KIAA1210: variants seen among roughly 807,000 people sequenced by gnomAD.
KIAA1210 encodes acrosomal protein KIAA1210.
Under a neutral mutation model 78.9 loss-of-function variants are expected in KIAA1210, and 48 were observed. The ratio of observed to expected loss-of-function variants is 0.61; its 90% CI spans 0.48 to 0.77. The LOEUF (loss-of-function observed/expected upper bound fraction) is 0.77. Ranked by LOEUF, KIAA1210 falls within the 30% of genes least tolerant of loss-of-function variation. The probability of loss-of-function intolerance (pLI) is 0.00; values close to 1 mark genes in which losing one functional copy is unlikely to be tolerated. For synonymous variants in KIAA1210, 406 were observed against 404.5 expected (o/e 1.00, Z -0.04); for missense variants, 1,108 against 1,100.0 (o/e 1.01, Z -0.10).
At position 119,086,614 on chromosome X, in the gene KIAA1210, G is replaced by A; in HGVS notation, c.4088C>T (p.Ala1363Val). The A allele has an allele frequency of 8.3e-7, 1 of 1,210,893 alleles. No individual in the cohort carries two copies. The highest frequency in any genetic ancestry group is 1.1e-6 in the Non-Finnish European group (1 of 895,211). Residue 1363 changes from alanine (A) to valine (V), a missense_variant, in exon 9 of 12, where the codon GCA (alanine) becomes GTA (valine). Physicochemically the swap from Ala to Val is moderately conservative, Grantham distance 64. This residue lies in a region of KIAA1210 where 245 missense variants were observed against 278.8 expected (regional missense o/e 0.88). Coordinates refer to ENST00000691062, the MANE Select transcript of KIAA1210 (RefSeq NM_001394962.1). ...AGNLTKISYVADKQQSRPKSE... is the reference protein window; with the variant it reads ...AGNLTKISYVVDKQQSRPKSE... Reference sequence around the variant, plus strand: ...TTTGGGCCTGCTCTGTTGCTTATCTGCAACGTAAGATATTTTGGTGAGGTT... The same window carrying A: ...TTTGGGCCTGCTCTGTTGCTTATCTACAACGTAAGATATTTTGGTGAGGTT...
In KIAA1210 at chrX:119,104,984, A is replaced by G. The variant is rs375330850; in HGVS notation, c.648+8T>C. On this transcript the variant is annotated splice_region_variant and intron_variant, in intron 6 of 11. Transcript: ENST00000691062. ...GGCCCCTCAACCTGTCCCTTAATAT[A>G]TACTCACCTGAGTCGCTGTCAAACT... is the stretch of plus-strand genomic sequence containing the variant. 9.1e-6 allele frequency: 11 copies of G among 1,203,500 alleles called. No homozygotes were observed. The highest frequency in any genetic ancestry group is 7.1e-5 in the African/African-American group (4 of 56,607).
At chrX:119,131,215 A>G (rs915077118), upstream of KIAA1210, among the ~76,000 whole-genome samples, 1 of 112,159 alleles carries the variant, frequency 8.9e-6, no homozygotes, top group African/African-American at 3.2e-5. Context: ...GACCCACAAG[A>G]TTCCCACCCC....
At chrX:119,146,688 G>A (rs1168494670) in intron 2 of KIAA1210, among the ~76,000 whole-genome samples, 1 of 111,601 alleles carries the variant, frequency 9.0e-6, no homozygotes, top group African/African-American at 3.3e-5. Flanking sequence ...CCTTACAGAG[G>A]GTGAGGCTGG....
chrX:119,082,714 C>T (rs1462593764), intron 11 of KIAA1210, among the ~76,000 whole-genome samples: 1 of 111,961 alleles, frequency 8.9e-6, no homozygotes, highest in East Asian at 2.8e-4. Context: ...TGGTACTTTC[C>T]TCTTGCATAC....
intron 2 of KIAA1210, among the ~76,000 whole-genome samples, chrX:119,122,595 T>C (rs912521892): frequency 3.6e-5 from 4 of 112,588 alleles, no homozygotes; most frequent in Non-Finnish European, 7.5e-5. Flanking sequence ...TTAGTTCATA[T>C]CCAAAAAGTC....
Position 119,087,908 on chromosome X carries a change from T to C in KIAA1210, c.2794A>G (p.Thr932Ala), listed in dbSNP as rs867389210. The change falls in exon 9 of 12, where the codon ACT (threonine) becomes GCT (alanine). Residue 932 changes from threonine to alanine, a missense_variant. Coordinates refer to ENST00000691062, the MANE Select transcript of KIAA1210 (RefSeq NM_001394962.1). ...TCCTTAGAAATGTCCTCTTCAACAG[T>C]AGTGCTTTCTGGATGTGCAGAGAGT... The part of the protein sequence containing the change: ...YQLSAHPEST[T>A]VEEDISKEQL... 8.3e-7 allele frequency: 1 copy of C among 1,211,649 alleles called. No individual in the cohort carries two copies. The highest frequency in any genetic ancestry group is 3.0e-5 in the East Asian group (1 of 33,847).
intron 3 of KIAA1210, among the ~76,000 whole-genome samples, chrX:119,110,294 T>C (rs959822364): frequency 9.0e-6 from 1 of 111,728 alleles, no homozygotes; most frequent in African/African-American, 3.2e-5. Flanking sequence ...AGAAAAAACA[T>C]TTGTAAAATT....
chrX:119,106,240 A>G (rs1345175161), intron 5 of KIAA1210, among the ~76,000 whole-genome samples: 5 of 112,155 alleles, frequency 4.5e-5, no homozygotes, highest in Non-Finnish European at 7.5e-5. Context: ...ACTAACTTTT[A>G]CTAAGAGCTT....
Position 119,127,707 on chromosome X carries a change from A to G in KIAA1210, c.-11+20T>C, listed in dbSNP as rs553049210. Among the ~76,000 whole-genome samples the G allele has an allele frequency of 3.3e-4, 37 of 111,808 alleles. No individual in the cohort carries two copies. Among genetic ancestry groups the G allele is most frequent in the Middle Eastern group, 4.6e-3 (1 of 217 alleles). ...GCATCTCTTTAAAGTAAAATTCTTT[A>G]AAGAGTTATCTATACTTACTGCCTT... On this transcript the variant is annotated intron_variant, in intron 1 of 11. Transcript: ENST00000691062.
chrX:119,102,233 A>G (rs1016092691), intron 6 of KIAA1210, among the ~76,000 whole-genome samples: 5 of 112,839 alleles, frequency 4.4e-5, no homozygotes. Flanking sequence ...AATCTTTCCT[A>G]TCTGCTTTAC....
Position 119,081,323 on chromosome X carries a change from A to G in KIAA1210, c.*6T>C. 8.6e-7 allele frequency: 1 copy of G among 1,163,918 alleles called. No individual in the cohort carries two copies. Among genetic ancestry groups the G allele is most frequent in the East Asian group, 3.0e-5 (1 of 32,811 alleles). On this transcript the variant is annotated 3_prime_UTR_variant, in exon 12 of 12. Transcript: ENST00000691062. Reference sequence around the variant, plus strand: ...AATAAATGCTGATGCTCCACACAAGAGCTCTTTATTGCGTGATTTCTGCCA... The same window carrying G: ...AATAAATGCTGATGCTCCACACAAGGGCTCTTTATTGCGTGATTTCTGCCA...
chrX:119,120,655 C>T (rs903318875), intron 2 of KIAA1210, among the ~76,000 whole-genome samples: 7 of 112,044 alleles, frequency 6.2e-5, no homozygotes, highest in African/African-American at 2.3e-4. Flanking sequence ...AGTCCAATTT[C>T]CCCCCAATTT....
At chrX:119,115,235 T>TTCTC (rs750731045) in intron 3 of KIAA1210, among the ~76,000 whole-genome samples, 18 of 106,282 alleles carry the variant, frequency 1.7e-4, no homozygotes, top group East Asian at 2.9e-4. Flanking sequence ...AATCCCCCCC[T>TTCTC]TCTCTCTCTC....
chrX:119,104,945 C>A, intron 6 of KIAA1210, 47 bp downstream of exon 6: 13 of 1,123,369 alleles, frequency 1.2e-5, no homozygotes, highest in Non-Finnish European at 1.6e-5. Context: ...AGAAGTTATG[C>A]CTCTGATCTG....
intron 4 of KIAA1210, 130 bp downstream of exon 4, chrX:119,108,946 C>T: frequency 1.6e-6 from 1 of 622,527 alleles, no homozygotes; most frequent in Non-Finnish European, 2.5e-6. Flanking sequence ...AGGCTTACAA[C>T]AGCCCTGTGG....
Position 119,123,614 on chromosome X carries a change from T to C in KIAA1210, c.29A>G (p.Asp10Gly). The C allele has an allele frequency of 8.3e-7, 1 of 1,205,308 alleles. No homozygotes were observed. Among genetic ancestry groups the C allele is most frequent in the Non-Finnish European group, 1.1e-6 (1 of 890,942 alleles). Residue 10 changes from aspartate (D) to glycine (G), a missense_variant, in exon 2 of 12, where the codon GAC becomes GGC. This residue lies in a region of KIAA1210 where 672 missense variants were observed against 607.1 expected (regional missense o/e 1.11). Transcript: ENST00000691062. ...ACCGGCCTCCAGAACATCCAGACTGTCAGAAATTTCACTTAGTGATTCAGC... is the reference window on the plus strand; with the variant it reads ...ACCGGCCTCCAGAACATCCAGACTGCCAGAAATTTCACTTAGTGATTCAGC... Reference protein sequence around the residue: MAESLSEISDSLDVLEAGDE... With the variant: MAESLSEISGSLDVLEAGDE...
chrX:119,141,035 G>A (rs1041304362), intron 2 of KIAA1210, among the ~76,000 whole-genome samples: 2 of 112,391 alleles, frequency 1.8e-5, no homozygotes, highest in Admixed American at 9.4e-5. Flanking sequence ...TAATATGCTT[G>A]ATGGCAAACT....
In KIAA1210 at chrX:119,096,505, G is replaced by A. The variant is rs35613130; in HGVS notation, c.835C>T (p.Leu279Phe). Residue 279 changes from leucine to phenylalanine, a missense_variant, in exon 7 of 12, where the codon CTT becomes TTT. Physicochemically the swap from Leu to Phe is conservative, Grantham distance 22. This residue lies in a region of KIAA1210 where 672 missense variants were observed against 607.1 expected (regional missense o/e 1.11). Coordinates refer to ENST00000691062, the MANE Select transcript of KIAA1210 (RefSeq NM_001394962.1). Reference protein sequence around the residue: ...TLNPRKQKKNLQVIVEPKEEE... With the variant: ...TLNPRKQKKNFQVIVEPKEEE... Reference sequence around the variant, plus strand: ...CTTGAAGGACTTACAATCACTTGAAGGTTCTTCTTTTGTTTGCGGGGATTT... The same window carrying A: ...CTTGAAGGACTTACAATCACTTGAAAGTTCTTCTTTTGTTTGCGGGGATTT... 11,606 of 1,206,861 alleles carry A rather than the reference G, an allele frequency of 9.6e-3. 701 individuals carry two copies. The African/African-American group carries it at 0.17, about 18-fold the overall frequency.
At chrX:119,138,332 C>A (rs1234481653) in intron 2 of KIAA1210, among the ~76,000 whole-genome samples, 3 of 104,244 alleles carry the variant, frequency 2.9e-5, no homozygotes, top group African/African-American at 1.1e-4. Context: ...AATTCTCATG[C>A]CTCAGCTTCC....
Sources: gnomAD v4.1 joint callset for allele counts (sites outside exome capture counted in the v4.1 genomes callset) on GRCh38, gnomAD v4.1.1 for gene constraint, gnomAD v4.1.1 regional missense constraint, MANE v1.5 for transcripts, NCBI Gene and HGNC (gene_info 2026-07-23, HGNC 2026-07-21) for gene names.